Variants in AGMO observed in about 807,000 individuals in gnomAD.
The protein encoded by AGMO is alkylglycerol monooxygenase.
Under a neutral mutation model 60.2 loss-of-function variants are expected in AGMO, and 75 were observed. The ratio of observed to expected loss-of-function variants is 1.25; its 90% CI spans 1.03 to 1.51. The LOEUF (loss-of-function observed/expected upper bound fraction) is 1.51. AGMO is among the 40% of genes most tolerant of loss of function. AGMO has a pLI of 0.00. For synonymous variants in AGMO, 261 were observed against 177.1 expected (o/e 1.47, Z -3.76); for missense variants, 763 against 525.5 (o/e 1.45, Z -4.42).
chr7:15,531,598 A>ATATATATATTC lies in AGMO; in HGVS notation c.409+13163_409+13173dup, dbSNP rs1562557661. Among the ~76,000 whole-genome samples, 28 of 113,964 alleles carry ATATATATATTC rather than the reference A, an allele frequency of 2.5e-4. 2 individuals carry two copies. Among genetic ancestry groups the ATATATATATTC allele is most frequent in the African/African-American group, 7.9e-4 (23 of 29,218 alleles). The allele number at this position is 113,964 out of a possible 152,430, so 74.8% of individuals were successfully genotyped here. A position where few individuals can be genotyped will look rare whatever the true frequency, so the allele number is the denominator to read the frequency against. ...CATATATATATTCTATATATATTCT[A>ATATATATATTC]TATATATATTCTATGTATATTCTAT... is the stretch of plus-strand genomic sequence containing the variant. On this transcript the variant is annotated intron_variant, in intron 3 of 12. Transcript: ENST00000342526.
In AGMO at chr7:15,542,740, T is replaced by G. The variant is rs369159476; in HGVS notation, c.409+2032A>C. Among the ~76,000 whole-genome samples, 7 of 152,332 alleles carry G rather than the reference T, an allele frequency of 4.6e-5. No individual in the cohort carries two copies. In the East Asian group the frequency reaches 1.2e-3, roughly 25 times the overall value. On this transcript the variant is annotated intron_variant, in intron 3 of 12. Transcript: ENST00000342526. ...TATGTTATTATGTAAACCATATTTA[T>G]TCTTAATCATGTTTGATTTTGGAGT... is the stretch of plus-strand genomic sequence containing the variant.
chr7:15,183,482 T>C, the AGMO span, among the ~76,000 whole-genome samples: 120 of 152,316 alleles, frequency 7.9e-4, no homozygotes, highest in African/African-American at 2.8e-3. Flanking sequence ...ATGCAGGCAA[T>C]ATTATCAACC....
chr7:15,284,836 A>T (rs1388762933), intron 12 of AGMO, among the ~76,000 whole-genome samples: 2 of 152,140 alleles, frequency 1.3e-5, no homozygotes, highest in Non-Finnish European at 2.9e-5. Flanking sequence ...TCAATAGAAT[A>T]CTAGCTAACT....
At chr7:15,330,339 G>A (rs985199606) in intron 12 of AGMO, among the ~76,000 whole-genome samples, 1 of 152,102 alleles carries the variant, frequency 6.6e-6, no homozygotes, top group African/African-American at 2.4e-5. Flanking sequence ...AGAAGCAATT[G>A]TCTTGGTTTC....
At chr7:15,290,653 G>C (rs1434109064) in intron 12 of AGMO, among the ~76,000 whole-genome samples, 6 of 152,036 alleles carry the variant, frequency 3.9e-5, no homozygotes, top group Non-Finnish European at 8.8e-5. Flanking sequence ...ATCATCATTT[G>C]GCATCATTTG....
At chr7:15,188,020 A>T in the AGMO span, among the ~76,000 whole-genome samples, 30 of 152,194 alleles carry the variant, frequency 2.0e-4, no homozygotes, top group Non-Finnish European at 3.2e-4. Flanking sequence ...CACACTCACT[A>T]TTCTCCTTTT....
chr7:15,237,314 G>T (rs768443705), intron 12 of AGMO, among the ~76,000 whole-genome samples: 13 of 152,108 alleles, frequency 8.5e-5, no homozygotes, highest in Non-Finnish European at 1.9e-4. Context: ...ATTTTCACTA[G>T]AACAGATGAA....
At chr7:15,529,506 G>C (rs915078551) in intron 3 of AGMO, among the ~76,000 whole-genome samples, 4 of 121,998 alleles carry the variant, frequency 3.3e-5, no homozygotes, top group African/African-American at 1.2e-4. Context: ...CTAGTTCTTA[G>C]ACTAGAATCT....
the AGMO span, among the ~76,000 whole-genome samples, chr7:15,189,022 T>C: frequency 6.6e-6 from 1 of 152,076 alleles, no homozygotes; most frequent in African/African-American, 2.4e-5. Flanking sequence ...TAGCTGGAAG[T>C]AGAAGTGAGA....
chr7:15,419,281 A>G (rs1780863941), intron 4 of AGMO, among the ~76,000 whole-genome samples: 1 of 151,990 alleles, frequency 6.6e-6, no homozygotes, highest in Non-Finnish European at 1.5e-5. Context: ...TTCCTTACAA[A>G]GACAACTTAT....
chr7:15,327,925 C>T (rs1446287924), intron 12 of AGMO, among the ~76,000 whole-genome samples: 3 of 149,220 alleles, frequency 2.0e-5, no homozygotes, highest in South Asian at 2.1e-4. Context: ...GCCATGTTGC[C>T]GGGCTAATTT....
At chr7:15,144,410 A>G in the AGMO span, among the ~76,000 whole-genome samples, 1 of 152,222 alleles carries the variant, frequency 6.6e-6, no homozygotes, top group African/African-American at 2.4e-5. Context: ...AAAAATTAAA[A>G]AATAGTAATT....
At chr7:15,460,633 G>A (rs182398573) in intron 3 of AGMO, among the ~76,000 whole-genome samples, 158 of 151,864 alleles carry the variant, frequency 1.0e-3, no homozygotes, top group Non-Finnish European at 1.9e-3. Flanking sequence ...ATTAAATATT[G>A]ACCTAGGTTT....
chr7:15,539,010 G>T (rs780281307), intron 3 of AGMO, among the ~76,000 whole-genome samples: 2 of 152,160 alleles, frequency 1.3e-5, no homozygotes, highest in Non-Finnish European at 2.9e-5. Flanking sequence ...TTTGGATGAT[G>T]ATCCTGCTTT....
intron 4 of AGMO, among the ~76,000 whole-genome samples, chr7:15,426,089 AT>A (rs1448085030): frequency 2.0e-5 from 3 of 152,176 alleles, no homozygotes; most frequent in Admixed American, 1.3e-4. Flanking sequence ...CTATACTGTA[AT>A]TTTTGGAGTG....
At chr7:15,492,335 C>T (rs745731811) in intron 3 of AGMO, among the ~76,000 whole-genome samples, 7 of 124,712 alleles carry the variant, frequency 5.6e-5, no homozygotes, top group Admixed American at 2.6e-4. Context: ...CAAACCCTTG[C>T]AAGTCATTTT....
intron 10 of AGMO, among the ~76,000 whole-genome samples, chr7:15,367,154 GT>G (rs1255250912): frequency 2.0e-5 from 3 of 151,858 alleles, no homozygotes; most frequent in African/African-American, 7.2e-5. Flanking sequence ...CTCAATTTTA[GT>G]CTGGTCTTTT....
At chr7:15,178,930 C>T in the AGMO span, among the ~76,000 whole-genome samples, 2 of 152,130 alleles carry the variant, frequency 1.3e-5, no homozygotes, top group East Asian at 3.9e-4. Context: ...GAAGGGCACT[C>T]AAGAATGTGA....
intron 10 of AGMO, among the ~76,000 whole-genome samples, chr7:15,374,347 T>C (rs929971696): frequency 2.0e-5 from 3 of 152,078 alleles, no homozygotes; most frequent in African/African-American, 7.2e-5. Context: ...ATAATAAATA[T>C]ATCAAAGGTG....
Sources: gnomAD v4.1 joint callset for allele counts (sites outside exome capture counted in the v4.1 genomes callset) on GRCh38, gnomAD v4.1.1 for gene constraint, MANE v1.5 for transcripts, NCBI Gene and HGNC (gene_info 2026-07-23, HGNC 2026-07-21) for gene names.